Variants in CDH23 observed in about 807,000 individuals in gnomAD.
The protein encoded by CDH23 is cadherin-23.
In CDH23, 189 loss-of-function variants were observed where a neutral mutation model predicts 317.1. The ratio of observed to expected loss-of-function variants is 0.60; its 90% CI spans 0.53 to 0.67. CDH23 has a LOEUF of 0.67. CDH23 is among the 30% of genes least tolerant of loss of function. CDH23 has a pLI of 0.00. For synonymous variants in CDH23, 1,839 were observed against 1,876.8 expected, an observed-to-expected ratio of 0.98 and a Z score of 0.52; for missense variants, 4,401 against 4,592.4, an observed-to-expected ratio of 0.96 and a Z score of 1.20.
At chr10:71,455,646 G>GA (rs147907222) in intron 3 of CDH23, among the ~76,000 whole-genome samples, 4 of 151,962 alleles carry the variant, frequency 2.6e-5, no homozygotes, top group Admixed American at 6.6e-5. Flanking sequence ...AAGCAGCATA[G>GA]AAAAAAATAT....
chr10:71,635,173 C>T (rs1318233468), intron 11 of CDH23: 1 of 152,648 alleles, frequency 6.6e-6, no homozygotes, highest in Non-Finnish European at 1.5e-5. Flanking sequence ...AAATAGAATT[C>T]AAAAGCACCT....
chr10:71,649,207 G>A (rs1863046766), intron 14 of CDH23, among the ~76,000 whole-genome samples: 1 of 152,106 alleles, frequency 6.6e-6, no homozygotes, highest in Non-Finnish European at 1.5e-5. Context: ...TCTCTGCTCA[G>A]ACCCGGGGTC....
In CDH23 at chr10:71,489,594, G is replaced by GGTGTGTGT. The variant is rs34392048; in HGVS notation, c.146-20454_146-20447dup. ...TAGGTTTTCATTCACAGTGCCTCGG[G>GGTGTGTGT]GTGTGTGTGTGTGTGTGTGTGTGTG... On this transcript the variant is annotated intron_variant, in intron 3 of 69. Coordinates refer to ENST00000224721, the MANE Select transcript of CDH23 (RefSeq NM_022124.6). 5.6e-3 allele frequency among the ~76,000 whole-genome samples: 783 copies of GGTGTGTGT among 139,870 alleles called. 1 individual carries two copies. The highest frequency in any genetic ancestry group is 6.5e-3 in the Non-Finnish European group (420 of 64,706). The allele number at this position is 139,870 out of a possible 152,430, so 91.8% of individuals were successfully genotyped here. A position where few individuals can be genotyped will look rare whatever the true frequency, so the allele number is the denominator to read the frequency against.
chr10:71,814,809 G>T (rs558884662), intron 69 of CDH23, 143 bp from the exon 70 acceptor site: 201 of 929,528 alleles, frequency 2.2e-4, no homozygotes, highest in Non-Finnish European at 3.0e-4. Context: ...CCCCTTTGCA[G>T]GCAGTTTGAG....
chr10:71,737,428 T>C (rs1311758913), intron 34 of CDH23, among the ~76,000 whole-genome samples: 1 of 152,212 alleles, frequency 6.6e-6, no homozygotes, highest in Non-Finnish European at 1.5e-5. Flanking sequence ...CCAGGCTCAC[T>C]CTCCTATACT....
At chr10:71,591,879 C>T (rs776574331) in intron 9 of CDH23, among the ~76,000 whole-genome samples, 1 of 152,050 alleles carries the variant, frequency 6.6e-6, no homozygotes, top group Non-Finnish European at 1.5e-5. Context: ...CTAGCACCCA[C>T]ACGGCAATGT....
chr10:71,660,166 G>A (rs12217281), intron 14 of CDH23, among the ~76,000 whole-genome samples: 3,365 of 151,854 alleles, frequency 0.022, 181 homozygotes, highest in East Asian at 0.15. Context: ...TCACCATGTT[G>A]GCCAGGATGG....
In CDH23 at chr10:71,732,349, G is replaced by C. The variant is rs2132826229; in HGVS notation, c.4078G>C (p.Ala1360Pro). The change falls in exon 32 of 70, where the codon GCC (alanine) becomes CCC (proline). Residue 1360 changes from alanine to proline, a missense_variant. Around this residue, in one of 3 missense-constraint regions of CDH23, gnomAD observed 3,068 missense variants for 3,203.3 expected, o/e 0.96. Transcript: ENST00000224721. The stretch of plus-strand genomic sequence containing the variant: ...CGCCTACACCAGCACCCAGGCCAAA[G>C]CCCTCTTCAAGATAGACGCCATCAC... ...FNAYTSTQAK[A>P]LFKIDAITGV... 1 of 1,575,714 alleles carries C rather than the reference G, an allele frequency of 6.3e-7. No homozygotes were observed. Among genetic ancestry groups the C allele is most frequent in the Non-Finnish European group, 8.6e-7 (1 of 1,160,232 alleles).
intron 38 of CDH23, among the ~76,000 whole-genome samples, chr10:71,773,091 G>C (rs1197478104): frequency 6.6e-6 from 1 of 152,228 alleles, no homozygotes; most frequent in African/African-American, 2.4e-5. Flanking sequence ...GGAAGGGCTG[G>C]ACAGGCAGCC....
At chr10:71,712,619 C>T (rs1464900269) in intron 27 of CDH23, 46 bp from the exon 28 acceptor site, 8 of 1,605,000 alleles carry the variant, frequency 5.0e-6, no homozygotes, top group East Asian at 2.2e-5. Flanking sequence ...AAGTGTGCCC[C>T]TCTCTCAGGC....
chr10:71,802,795 G>A, intron 53 of CDH23, 103 bp from the exon 54 acceptor site: 2 of 1,225,898 alleles, frequency 1.6e-6, no homozygotes, highest in Non-Finnish European at 2.4e-6. Flanking sequence ...CTCCCAGGCT[G>A]GTGCCTGTCC....
intron 18 of CDH23, among the ~76,000 whole-genome samples, 182 bp from the exon 19 acceptor site, chr10:71,687,465 G>A (rs1864954353): frequency 6.6e-6 from 1 of 152,132 alleles, no homozygotes; most frequent in Non-Finnish European, 1.5e-5. Flanking sequence ...TCCTAGAGCT[G>A]TAGCCTGCCA....
chr10:71,708,232 G>A (rs563273753), intron 26 of CDH23, among the ~76,000 whole-genome samples: 12 of 152,266 alleles, frequency 7.9e-5, no homozygotes, highest in African/African-American at 2.9e-4. Context: ...AAGAACAGGG[G>A]GAGCACCTGG....
At chr10:71,442,494 G>A (rs552439968) in intron 2 of CDH23, among the ~76,000 whole-genome samples, 3 of 152,114 alleles carry the variant, frequency 2.0e-5, no homozygotes, top group African/African-American at 7.2e-5. Flanking sequence ...CACCCCAGCC[G>A]ATCTCTACCC....
chr10:71,498,723 G>A (rs12413038), intron 3 of CDH23, among the ~76,000 whole-genome samples: 3 of 152,204 alleles, frequency 2.0e-5, no homozygotes, highest in Middle Eastern at 3.2e-3. Context: ...GATGCATTGG[G>A]TTGTAGGGGA....
rs1841760474 is a variant in CDH23 at position 71,807,344 on chromosome 10, A to T, written c.8246A>T (p.Asn2749Ile). 1 of 1,613,926 alleles carries T rather than the reference A, an allele frequency of 6.2e-7. No homozygotes were observed. Among genetic ancestry groups the T allele is most frequent in the Non-Finnish European group, 8.5e-7 (1 of 1,179,854 alleles). ...TCACCACGCGGCACCCTCGTGGGCA[A>T]CGTGACAGGCGCAGTGGATGCAGAT... The part of the protein sequence containing the change: ...EHSPRGTLVG[N>I]VTGAVDADEG... The change falls in exon 58 of 70, where the codon AAC becomes ATC. Residue 2749 changes from asparagine (N) to isoleucine (I), a missense_variant. By Grantham distance (149) the Asn-to-Ile change is moderately radical. Coordinates refer to ENST00000224721, the MANE Select transcript of CDH23 (RefSeq NM_022124.6).
At chr10:71,448,112 G>T (rs535603541) in intron 3 of CDH23, among the ~76,000 whole-genome samples, 2 of 152,326 alleles carry the variant, frequency 1.3e-5, no homozygotes, top group South Asian at 2.1e-4. Flanking sequence ...TCAAGTGAGT[G>T]GTCCCTGCTC....
chr10:71,439,945 G>A lies in CDH23; in HGVS notation c.67+47G>A, dbSNP rs766233412. The A allele has an allele frequency of 6.9e-6, 10 of 1,456,666 alleles. No individual in the cohort carries two copies. In the Middle Eastern group the frequency reaches 5.2e-4, roughly 76 times the overall value. The allele number at this position is 1,456,666 out of a possible 1,614,324, so 90.2% of individuals were successfully genotyped here. A position where few individuals can be genotyped will look rare whatever the true frequency, so the allele number is the denominator to read the frequency against. ...TCTATCCCATGGGCAGCCTCTGCAC[G>A]GGAGGCCAGGCTGGAGGGTGTTGGG... On this transcript the variant is annotated intron_variant, in intron 2 of 69. Coordinates refer to ENST00000224721, the MANE Select transcript of CDH23 (RefSeq NM_022124.6).
intron 60 of CDH23, 142 bp from the exon 61 acceptor site, chr10:71,809,678 T>A: frequency 1.7e-6 from 2 of 1,183,196 alleles, no homozygotes; most frequent in Non-Finnish European, 2.3e-6. Context: ...CACTTGCCTG[T>A]CACCTTTGCT....
Sources: gnomAD v4.1 joint callset for allele counts (sites outside exome capture counted in the v4.1 genomes callset) on GRCh38, gnomAD v4.1.1 for gene constraint, gnomAD v4.1.1 regional missense constraint, MANE v1.5 for transcripts, NCBI Gene and HGNC (gene_info 2026-07-23, HGNC 2026-07-21) for gene names.